Variants in DNA2 observed in about 807,000 individuals in gnomAD.
The protein encoded by DNA2 is DNA replication helicase/nuclease 2, also known as DNA replication ATP-dependent helicase/nuclease DNA2.
A neutral mutation model predicts 119.1 loss-of-function variants in DNA2; 101 were observed. That is an observed-to-expected ratio of 0.85 (90% CI 0.72 to 1.00). The LOEUF is 1.00. DNA2 is among the 50% of genes least tolerant of loss of function. The pLI is 0.00. For synonymous variants in DNA2, 366 were observed against 424.4 expected, an observed-to-expected ratio of 0.86 and a Z score of 1.69; for missense variants, 1,121 against 1,255.5, an observed-to-expected ratio of 0.89 and a Z score of 1.62.
At chr10:68,419,952 G>C (rs761461811) in intron 17 of DNA2, 60 bp from the exon 18 acceptor site, 2 of 1,395,834 alleles carry the variant, frequency 1.4e-6, no homozygotes, top group Non-Finnish European at 2.0e-6. Flanking sequence ...CTATAAGTAC[G>C]CAACTGGCCA....
chr10:68,435,108 C>G (rs957523137), intron 10 of DNA2, among the ~76,000 whole-genome samples: 46 of 152,116 alleles, frequency 3.0e-4, no homozygotes, highest in African/African-American at 1.1e-3. Context: ...ACATGCAGTG[C>G]AGAGGTGTGA....
chr10:68,455,165 C>T (rs1180135758), intron 5 of DNA2, among the ~76,000 whole-genome samples: 1 of 151,874 alleles, frequency 6.6e-6, no homozygotes, highest in African/African-American at 2.4e-5. Context: ...GTCTCAAACT[C>T]CTGACCTCAT....
At chr10:68,469,466 CTT>C (rs1233352570) in intron 2 of DNA2, among the ~76,000 whole-genome samples, 1 of 146,822 alleles carries the variant, frequency 6.8e-6, no homozygotes. Context: ...ACGTGATTTT[CTT>C]TTCTTTTTTT....
chr10:68,471,983 C>A, upstream of DNA2: 1 of 1,611,526 alleles, frequency 6.2e-7, no homozygotes, highest in South Asian at 1.1e-5. Context: ...TGCGCCAACC[C>A]GCAGATGTCC....
intron 10 of DNA2, among the ~76,000 whole-genome samples, chr10:68,433,709 T>C (rs2051851044): frequency 6.6e-6 from 1 of 152,076 alleles, no homozygotes; most frequent in Admixed American, 6.6e-5. Flanking sequence ...TTTTAATTTT[T>C]TGGAGAGATG....
chr10:68,471,693 C>T (rs1051868056), intron 1 of DNA2, 98 bp downstream of exon 1: 7 of 1,406,560 alleles, frequency 5.0e-6, no homozygotes, highest in Non-Finnish European at 6.6e-6. Context: ...CCCTGGGCCC[C>T]GGGCCCGGTC....
chr10:68,438,118 T>C (rs1305232783), intron 9 of DNA2, among the ~76,000 whole-genome samples: 1 of 152,190 alleles, frequency 6.6e-6, no homozygotes, highest in East Asian at 1.9e-4. Context: ...AAATGGTGTT[T>C]TATTGGCACT....
intron 14 of DNA2, chr10:68,425,084 A>ATT: frequency 9.8e-6 from 2 of 203,594 alleles, no homozygotes; most frequent in Non-Finnish European, 1.9e-5. Context: ...TCTCTGGAAC[A>ATT]TTTCTTTTTT....
chr10:68,422,803 G>T lies in DNA2; in HGVS notation c.2296C>A (p.Gln766Lys), dbSNP rs1185783411. ...CCCAGACAAATTGGTTGGCTAATTT[G>T]AGAGGCTTCATCCACAATACAAAAA... Reference protein sequence around the residue: ...FDFCIVDEASQISQPICLGPL... With the variant: ...FDFCIVDEASKISQPICLGPL... The change falls in exon 15 of 21, where the codon CAA becomes AAA. Residue 766 changes from glutamine (Q) to lysine (K), a missense_variant. Transcript: ENST00000358410. The T allele has an allele frequency of 6.2e-7, 1 of 1,612,164 alleles. No individual in the cohort carries two copies. Among genetic ancestry groups the T allele is most frequent in the Non-Finnish European group, 8.5e-7 (1 of 1,179,550 alleles).
At chr10:68,419,964 A>G in intron 17 of DNA2, 72 bp from the exon 18 acceptor site, 1 of 1,226,720 alleles carries the variant, frequency 8.2e-7, no homozygotes, top group Non-Finnish European at 1.2e-6. Flanking sequence ...AACTGGCCAT[A>G]AAGACTATAC....
At chr10:68,447,438 A>T (rs1354850908) in intron 6 of DNA2, among the ~76,000 whole-genome samples, 1 of 145,822 alleles carries the variant, frequency 6.9e-6, no homozygotes, top group Admixed American at 7.2e-5. Flanking sequence ...AATTGCTTGA[A>T]CCCGGGAGGT....
intron 4 of DNA2, among the ~76,000 whole-genome samples, chr10:68,465,055 G>C (rs1040879695): frequency 1.7e-5 from 2 of 117,870 alleles, no homozygotes; most frequent in African/African-American, 3.3e-5. Flanking sequence ...GTCTTGCTTT[G>C]TCACCCAGGC....
Position 68,465,723 on chromosome 10 carries a change from T to C in DNA2, c.531A>G (p.Glu177=), listed in dbSNP as rs777868588. 6.8e-6 allele frequency: 11 copies of C among 1,608,838 alleles called. No individual in the cohort carries two copies. The South Asian group carries it at 1.1e-4, about 16-fold the overall frequency. Reference sequence around the variant, plus strand: ...TTTGAAAAGCAAGTTCTTGTAGCTTTTCTGGGGCAAAGCTATTATTTATGG... The same window carrying C: ...TTTGAAAAGCAAGTTCTTGTAGCTTCTCTGGGGCAAAGCTATTATTTATGG... The part of the protein sequence containing the change: ...QKAINNSFAP[E]KLQELAFQTI... Residue 177 remains glutamate, a synonymous_variant, in exon 4 of 21, where the codon GAA becomes GAG. Transcript: ENST00000358410.
At position 68,422,886 on chromosome 10, in the gene DNA2, A is replaced by G. The variant is rs1206193399; in HGVS notation, c.2213T>C (p.Ile738Thr). ...TATTCCCATACATGTTGTTGCAACT[A>G]TAAGCTAAAAACAAGGAAAACAGAT... ...LLEELYNSQLIVATTCMGINH... is the reference protein window; with the variant it reads ...LLEELYNSQLTVATTCMGINH... The change falls in exon 15 of 21, where the codon ATA (isoleucine) becomes ACA (threonine). Residue 738 changes from isoleucine (I) to threonine (T), a missense_variant. Ile to Thr is a moderately conservative substitution (Grantham distance 89). Transcript: ENST00000358410. 1.3e-6 allele frequency: 2 copies of G among 1,567,046 alleles called. No individual in the cohort carries two copies. The highest frequency in any genetic ancestry group is 1.7e-6 in the Non-Finnish European group (2 of 1,161,236).
chr10:68,451,938 A>C (rs938110901), intron 5 of DNA2, among the ~76,000 whole-genome samples: 4 of 151,752 alleles, frequency 2.6e-5, no homozygotes. Flanking sequence ...AAGAAAAAAA[A>C]ATGCTGTCTT....
intron 19 of DNA2, among the ~76,000 whole-genome samples, chr10:68,417,089 C>T (rs980913410): frequency 6.6e-6 from 1 of 152,032 alleles, no homozygotes; most frequent in East Asian, 1.9e-4. Context: ...ACAAAATATA[C>T]AAAAATCAGC....
chr10:68,465,728 G>A lies in DNA2; in HGVS notation c.526C>T (p.Pro176Ser). 6.2e-7 allele frequency: 1 copy of A among 1,607,312 alleles called. No homozygotes were observed. ...FQKAINNSFA[P>S]EKLQELAFQT... is the part of the protein sequence containing the mutation. ...AAAGCAAGTTCTTGTAGCTTTTCTG[G>A]GGCAAAGCTATTATTTATGGCTTTT... The change falls in exon 4 of 21, where the codon CCA (proline) becomes TCA (serine). Residue 176 changes from proline (P) to serine (S), a missense_variant. Transcript: ENST00000358410.
At chr10:68,470,219 C>A (rs1040633808) in intron 1 of DNA2, 56 bp from the exon 2 acceptor site, 9 of 1,433,240 alleles carry the variant, frequency 6.3e-6, no homozygotes, top group Non-Finnish European at 8.4e-6. Context: ...AGAAGCCATC[C>A]AATATGTTTT....
rs372878525 is a variant in DNA2, at chr10:68,422,611, A to G, written c.2403-7T>C. On this transcript the variant is annotated splice_polypyrimidine_tract_variant and splice_region_variant and intron_variant, in intron 15 of 20. Coordinates refer to ENST00000358410, the MANE Select transcript of DNA2 (RefSeq NM_001080449.3). The stretch of plus-strand genomic sequence containing the variant: ...TTCACTCATGCCAAGAGCTCTGTCA[A>G]TAAATCAGATTCATGTTTATCAGTG... The G allele has an allele frequency of 2.0e-5, 32 of 1,613,858 alleles. No individual in the cohort carries two copies. Among genetic ancestry groups the G allele is most frequent in the Non-Finnish European group, 2.5e-5 (30 of 1,179,850 alleles).
Sources: allele counts gnomAD v4.1 joint callset (sites outside exome capture counted in the v4.1 genomes callset), GRCh38; gene constraint gnomAD v4.1.1; transcripts MANE v1.5; gene names NCBI Gene and HGNC (gene_info 2026-07-23, HGNC 2026-07-21).